The following TTC1 variants were observed in gnomAD, a reference collection of about 807,000 sequenced individuals.
TTC1 encodes the protein tetratricopeptide repeat protein 1.
TTC1 carries 31 observed loss-of-function variants against 37.6 expected under a neutral mutation model. The ratio of observed to expected loss-of-function variants is 0.82; its 90% CI spans 0.62 to 1.11. The LOEUF (loss-of-function observed/expected upper bound fraction) is 1.11. Among genes scored for constraint, TTC1 ranks in the 50% most tolerant of loss-of-function variants. The pLI, the probability that TTC1 is intolerant of heterozygous loss-of-function variation, is 0.00. For missense variants in TTC1, 351 were observed against 339.0 expected (o/e 1.04, Z -0.28); for synonymous variants, 127 against 122.4 (o/e 1.04, Z -0.25).
At chr5:160,025,347 A>G (rs1329114593) in intron 2 of TTC1, among the ~76,000 whole-genome samples, 2 of 152,042 alleles carry the variant, frequency 1.3e-5, no homozygotes, top group Admixed American at 6.5e-5. Context: ...TTTTTAGTAG[A>G]GACGGGGTTT....
chr5:160,043,450 A>G (rs767565575), intron 5 of TTC1, among the ~76,000 whole-genome samples: 1 of 152,230 alleles, frequency 6.6e-6, no homozygotes, highest in Non-Finnish European at 1.5e-5. Flanking sequence ...TACGAAAGTT[A>G]GGCATATGTG....
intron 5 of TTC1, among the ~76,000 whole-genome samples, chr5:160,046,960 C>T (rs537874373): frequency 4.6e-5 from 7 of 151,946 alleles, no homozygotes; most frequent in Non-Finnish European, 7.4e-5. Context: ...TGCAGTGAGC[C>T]GAGATCACGC....
chr5:160,049,519 C>A lies in TTC1; in HGVS notation c.547C>A (p.Gln183Lys). Residue 183 changes from glutamine (Q) to lysine (K), a missense_variant, in exon 6 of 8, where the codon CAA (glutamine) becomes AAA (lysine). Gln to Lys is a moderately conservative substitution (Grantham distance 53, BLOSUM62 1). Transcript: ENST00000231238. ...TATTTCTTCTCTTTTTACAGCAATT[C>A]AATTAAACCCCAGCTATATCAGGGC... ...MAINDCSKAI[Q>K]LNPSYIRAIL... 6.4e-7 allele frequency: 1 copy of A among 1,565,428 alleles called. No homozygotes were observed. The highest frequency in any genetic ancestry group is 1.2e-5 in the South Asian group (1 of 82,082).
chr5:160,018,348 G>A (rs537195172), intron 2 of TTC1, among the ~76,000 whole-genome samples: 3 of 152,206 alleles, frequency 2.0e-5, no homozygotes, highest in Non-Finnish European at 4.4e-5. Flanking sequence ...GACAGGTGGA[G>A]AGGACTGCTT....
intron 1 of TTC1, among the ~76,000 whole-genome samples, chr5:160,009,856 A>G (rs914721176): frequency 2.6e-5 from 4 of 152,098 alleles, no homozygotes; most frequent in South Asian, 2.1e-4. Context: ...AGTGATCACA[A>G]TTTTGGCACG....
chr5:160,009,926 A>G (rs1170451791), intron 1 of TTC1, among the ~76,000 whole-genome samples: 1 of 152,236 alleles, frequency 6.6e-6, no homozygotes, highest in African/African-American at 2.4e-5. Flanking sequence ...GGTGCTAAAA[A>G]GACGGACCGT....
intron 2 of TTC1, among the ~76,000 whole-genome samples, chr5:160,016,149 G>A (rs559897492): frequency 6.6e-6 from 1 of 152,308 alleles, no homozygotes; most frequent in African/African-American, 2.4e-5. Flanking sequence ...AGGCCAAGGT[G>A]GGCAGACCAC....
chr5:160,012,421 G>A (rs984491212), intron 2 of TTC1, among the ~76,000 whole-genome samples: 9 of 151,660 alleles, frequency 5.9e-5, no homozygotes, highest in Admixed American at 5.9e-4. Context: ...CTGGAGTGCA[G>A]TGATGTGATC....
At chr5:160,014,381 T>A (rs1293605498) in intron 2 of TTC1, among the ~76,000 whole-genome samples, 1 of 150,434 alleles carries the variant, frequency 6.6e-6, no homozygotes, top group Non-Finnish European at 1.5e-5. Context: ...AATAGTCACA[T>A]GGGCCAGGCA....
At chr5:160,054,635 T>C (rs1055039136) in intron 7 of TTC1, among the ~76,000 whole-genome samples, 2 of 150,856 alleles carry the variant, frequency 1.3e-5, no homozygotes, top group Non-Finnish European at 3.0e-5. Context: ...AAAAGAAAAA[T>C]CTCATGTGAA....
At chr5:160,042,507 C>T (rs778388249) in intron 4 of TTC1, among the ~76,000 whole-genome samples, 3 of 152,204 alleles carry the variant, frequency 2.0e-5, no homozygotes, top group Non-Finnish European at 2.9e-5. Flanking sequence ...TGTTAAAGAG[C>T]AGGTTATTGT....
At chr5:160,051,048 G>A (rs752595598) in intron 6 of TTC1, 81 bp from the exon 7 acceptor site, 25 of 1,123,426 alleles carry the variant, frequency 2.2e-5, no homozygotes, top group Non-Finnish European at 3.2e-5. Context: ...GGATTCTTGT[G>A]TTTCTCAAAT....
chr5:160,058,807 C>G (rs1214267581), intron 7 of TTC1, among the ~76,000 whole-genome samples: 2 of 152,180 alleles, frequency 1.3e-5, no homozygotes, highest in African/African-American at 4.8e-5. Flanking sequence ...GGTTTGAAAA[C>G]AACTTTAATC....
chr5:160,028,591 A>G (rs1341402898), intron 2 of TTC1, among the ~76,000 whole-genome samples: 2 of 152,164 alleles, frequency 1.3e-5, no homozygotes, highest in African/African-American at 4.8e-5. Context: ...CTCCCACCTC[A>G]GCCTCCAGAG....
chr5:160,015,985 A>G (rs1756597031), intron 2 of TTC1, among the ~76,000 whole-genome samples: 1 of 152,206 alleles, frequency 6.6e-6, no homozygotes, highest in South Asian at 2.1e-4. Flanking sequence ...CTGGTGTCAG[A>G]CCTATTGGGA....
intron 2 of TTC1, among the ~76,000 whole-genome samples, chr5:160,028,246 C>T (rs941662797): frequency 1.3e-5 from 2 of 150,092 alleles, no homozygotes; most frequent in Non-Finnish European, 2.9e-5. Context: ...TTGCAGTGAG[C>T]CAAGATCACA....
rs867946397 is a variant in TTC1, at chr5:160,058,414, T to G, written c.746-6518T>G. On this transcript the variant is annotated intron_variant, in intron 7 of 7. Transcript: ENST00000231238. ...TAGCCATATGAAGTGTATTTCTTTT[T>G]TTTTTTTTTTTTTTGAGACGGAGTC... Among the ~76,000 whole-genome samples, 1,178 of 149,894 alleles carry G rather than the reference T, an allele frequency of 7.9e-3. 16 individuals carry two copies. The highest frequency in any genetic ancestry group is 0.028 in the African/African-American group (1,125 of 40,800).
chr5:160,017,734 G>T (rs1317276914), intron 2 of TTC1, among the ~76,000 whole-genome samples: 1 of 152,158 alleles, frequency 6.6e-6, no homozygotes, highest in Non-Finnish European at 1.5e-5. Flanking sequence ...ACTGTCACAG[G>T]TTTTGCACAA....
At chr5:160,040,613 C>T (rs1757071298) in intron 4 of TTC1, among the ~76,000 whole-genome samples, 1 of 152,058 alleles carries the variant, frequency 6.6e-6, no homozygotes, top group African/African-American at 2.4e-5. Flanking sequence ...GGGTCTTGCT[C>T]TGTTGCCCAG....
Sources: gnomAD v4.1 joint callset for allele counts (sites outside exome capture counted in the v4.1 genomes callset) on GRCh38, gnomAD v4.1.1 for gene constraint, MANE v1.5 for transcripts, NCBI Gene and HGNC (gene_info 2026-07-23, HGNC 2026-07-21) for gene names.